FGD3: variants seen among roughly 807,000 people sequenced by gnomAD.
FGD3 encodes FYVE, RhoGEF and PH domain-containing protein 3.
Under a neutral mutation model 71.8 loss-of-function variants are expected in FGD3, and 45 were observed. That is an observed-to-expected ratio of 0.63 (90% CI 0.49 to 0.80). The LOEUF (loss-of-function observed/expected upper bound fraction) is 0.80, where lower values mean the gene tolerates loss of function less well. Among genes scored for constraint, FGD3 ranks in the 30% least tolerant of loss-of-function variants. FGD3 has a pLI of 0.00. For missense variants in FGD3, 844 were observed against 951.5 expected (o/e 0.89, Z 1.49); for synonymous variants, 378 against 392.8 (o/e 0.96, Z 0.44).
chr9:92,979,594 G>T (rs1859906597), intron 3 of FGD3, among the ~76,000 whole-genome samples: 1 of 152,020 alleles, frequency 6.6e-6, no homozygotes, highest in South Asian at 2.1e-4. Context: ...ATATGGCCTT[G>T]GTATCAGGAT....
intron 1 of FGD3, among the ~76,000 whole-genome samples, chr9:92,972,913 T>G (rs1402161939): frequency 6.6e-6 from 1 of 152,158 alleles, no homozygotes; most frequent in Non-Finnish European, 1.5e-5. Context: ...TTCGTAGTTT[T>G]CATCTCTGGA....
chr9:93,003,772 TC>T lies in FGD3; in HGVS notation c.544-226del, dbSNP rs774765442. Among the ~76,000 whole-genome samples the T allele has an allele frequency of 2.0e-5, 3 of 152,238 alleles. No individual in the cohort carries two copies. Among genetic ancestry groups the T allele is most frequent in the Non-Finnish European group, 2.9e-5 (2 of 68,030 alleles). Reference sequence around the variant, plus strand: ...GTCATTCCCTGTCCTCAGGCGACTGTCCCTGCCTCACCCACATTCGTAAGTC... The same window carrying T: ...GTCATTCCCTGTCCTCAGGCGACTGTCCTGCCTCACCCACATTCGTAAGTC... On this transcript the variant is annotated intron_variant, in intron 4 of 17. Coordinates refer to ENST00000375482, the MANE Select transcript of FGD3 (RefSeq NM_001083536.2). This position sits in a 1 kb window ranked among gnomAD's most constrained non-coding sequence, Gnocchi z 4.1.
At chr9:92,976,769 G>A in intron 3 of FGD3, 60 bp downstream of exon 3, 1 of 1,465,878 alleles carries the variant, frequency 6.8e-7, no homozygotes, top group Non-Finnish European at 9.1e-7. Flanking sequence ...GGAGGGGTTT[G>A]AGATTTTCAG....
intron 1 of FGD3, among the ~76,000 whole-genome samples, chr9:92,952,957 T>C (rs1238479942): frequency 6.6e-6 from 1 of 152,130 alleles, no homozygotes; most frequent in African/African-American, 2.4e-5. Flanking sequence ...AGACTAAGGA[T>C]TGAATAGTAA....
chr9:92,998,711 CTGCAGGTCTGT>C (rs755761138), intron 3 of FGD3, among the ~76,000 whole-genome samples: 3 of 152,218 alleles, frequency 2.0e-5, no homozygotes, highest in Non-Finnish European at 4.4e-5. Context: ...GGACCCTCAG[CTGCAGGTCTGT>C]TGGAGTTTGC....
chr9:92,999,610 T>A (rs1272907083), intron 3 of FGD3, among the ~76,000 whole-genome samples: 1 of 146,620 alleles, frequency 6.8e-6, no homozygotes, highest in African/African-American at 2.5e-5. Flanking sequence ...TTTTTTTTTT[T>A]AAAGACAGAG....
intron 3 of FGD3, among the ~76,000 whole-genome samples, chr9:92,983,617 A>G (rs1860080833): frequency 6.6e-6 from 1 of 152,248 alleles, no homozygotes; most frequent in African/African-American, 2.4e-5. Context: ...ATTTTGGAAC[A>G]TGTACCAATA....
chr9:93,020,487 A>T, intron 13 of FGD3, 63 bp downstream of exon 13: 1 of 1,447,524 alleles, frequency 6.9e-7, no homozygotes, highest in South Asian at 1.2e-5. Context: ...GGAGAGCAGA[A>T]GGCACTGGCG....
Position 93,003,932 on chromosome 9 carries a change from C to T in FGD3, c.544-69C>T, listed in dbSNP as rs1229542664. 1.3e-6 allele frequency: 2 copies of T among 1,591,614 alleles called. No individual in the cohort carries two copies. The highest frequency in any genetic ancestry group is 4.5e-5 in the East Asian group (2 of 44,508). On this transcript the variant is annotated intron_variant, in intron 4 of 17. Coordinates refer to ENST00000375482, the MANE Select transcript of FGD3 (RefSeq NM_001083536.2). This position sits in a 1 kb window ranked among gnomAD's most constrained non-coding sequence, Gnocchi z 4.1. The stretch of plus-strand genomic sequence containing the variant: ...CCTCCCGAGCGCCCTCACCTGTGGC[C>T]GAAGCGGGGCGGCAACTGTGCTCAG...
chr9:92,966,928 A>C (rs2118535836), intron 1 of FGD3, among the ~76,000 whole-genome samples: 1 of 151,924 alleles, frequency 6.6e-6, no homozygotes, highest in Non-Finnish European at 1.5e-5. Flanking sequence ...TAAAATACAC[A>C]TAACCTAAAA....
At chr9:93,002,827 T>C (rs1860906219) in intron 3 of FGD3, 98 bp from the exon 4 acceptor site, 7 of 1,211,950 alleles carry the variant, frequency 5.8e-6, no homozygotes, top group African/African-American at 1.5e-5. Context: ...CTGCCACCCC[T>C]GTGGCCCCTG....
At chr9:93,006,799 T>C (rs1032704263) in intron 6 of FGD3, among the ~76,000 whole-genome samples, 4 of 151,928 alleles carry the variant, frequency 2.6e-5, no homozygotes, top group Non-Finnish European at 2.9e-5. Context: ...CGATCTCGGC[T>C]CACTGCAACC....
chr9:93,020,541 C>T (rs1861879690), intron 13 of FGD3, 117 bp downstream of exon 13: 2 of 777,352 alleles, frequency 2.6e-6, no homozygotes, highest in Admixed American at 2.1e-5. Context: ...CCTGCTACAC[C>T]AGGGACCAGG....
rs115371783 is a variant in FGD3 at position 92,966,053 on chromosome 9, C to T, written c.-217-9185C>T. Among the ~76,000 whole-genome samples, 688 of 152,300 alleles carry T rather than the reference C, an allele frequency of 4.5e-3. 4 individuals are homozygous for T. Among genetic ancestry groups the T allele is most frequent in the African/African-American group, 0.015 (639 of 41,562 alleles). ...CCTAGGCGGGACGACCGTCAGCTGT[C>T]GGGGCTGAGCCGGTCGGGAAGGAAA... On this transcript the variant is annotated intron_variant, in intron 1 of 17. Coordinates refer to ENST00000375482, the MANE Select transcript of FGD3 (RefSeq NM_001083536.2).
intron 14 of FGD3, among the ~76,000 whole-genome samples, chr9:93,026,746 T>C (rs1173325635): frequency 1.3e-5 from 2 of 152,202 alleles, no homozygotes; most frequent in Non-Finnish European, 2.9e-5. Flanking sequence ...CAGGTACCTG[T>C]CCTCCCACAT....
intron 10 of FGD3, among the ~76,000 whole-genome samples, chr9:93,017,754 A>T (rs1861755918): frequency 6.6e-6 from 1 of 151,928 alleles, no homozygotes; most frequent in Non-Finnish European, 1.5e-5. Context: ...TCCTAAGGGG[A>T]CGTGGCTGCT....
rs1050887899 is a variant in FGD3 at position 92,947,673 on chromosome 9, G to T, written c.-274G>T. ...TCGAGTTTGCCTGTGCGGAGCTGGG[G>T]GAGCCTCCGGCTTTCCTGTTTGCTT... On this transcript the variant is annotated 5_prime_UTR_variant, in exon 1 of 18. Transcript: ENST00000375482. 6.6e-6 allele frequency: 1 copy of T among 152,280 alleles called. No individual in the cohort carries two copies. The highest frequency in any genetic ancestry group is 2.4e-5 in the African/African-American group (1 of 41,464). 9.4% of individuals were successfully genotyped at this position (152,280 alleles called of 1,614,324 possible). A position where few individuals can be genotyped will look rare whatever the true frequency, so the allele number is the denominator to read the frequency against.
chr9:93,013,781 G>A (rs1168400786), intron 8 of FGD3, 71 bp from the exon 9 acceptor site: 2 of 1,579,502 alleles, frequency 1.3e-6, no homozygotes, highest in Non-Finnish European at 1.7e-6. Flanking sequence ...TGCAGGGAAG[G>A]ACTCCGTGCA....
chr9:92,959,254 C>T (rs1009336415), intron 1 of FGD3, among the ~76,000 whole-genome samples: 2 of 151,872 alleles, frequency 1.3e-5, no homozygotes, highest in South Asian at 2.1e-4. Context: ...AACCACTGCG[C>T]CCAGTCAAAA....
Sources: allele counts gnomAD v4.1 joint callset (sites outside exome capture counted in the v4.1 genomes callset), GRCh38; gene constraint gnomAD v4.1.1; non-coding constraint Gnocchi (gnomAD v3.1); transcripts MANE v1.5; gene names NCBI Gene and HGNC (gene_info 2026-07-23, HGNC 2026-07-21).